Variants in PHLDB2 observed in about 807,000 individuals in gnomAD.
PHLDB2 encodes the protein pleckstrin homology-like domain family B member 2.
PHLDB2 carries 71 observed loss-of-function variants against 123.6 expected under a neutral mutation model. The ratio of observed to expected loss-of-function variants is 0.57; its 90% CI spans 0.47 to 0.70. The LOEUF (loss-of-function observed/expected upper bound fraction) is 0.70. PHLDB2 is among the 30% of genes least tolerant of loss of function. PHLDB2 has a pLI of 0.00. For synonymous variants in PHLDB2, 547 were observed against 541.6 expected, an observed-to-expected ratio of 1.01 and a Z score of -0.14; for missense variants, 1,446 against 1,519.5, an observed-to-expected ratio of 0.95 and a Z score of 0.80.
intron 3 of PHLDB2, chr3:111,916,695 G>A (rs1260323647): frequency 1.3e-5 from 2 of 152,222 alleles, no homozygotes; most frequent in African/African-American, 4.8e-5. Context: ...GGTAAAAGTT[G>A]TCTGGAAAGT....
At chr3:111,850,153 G>A (rs13083516) in intron 2 of PHLDB2, among the ~76,000 whole-genome samples, 87,464 of 151,674 alleles carry the variant, frequency 0.58, 26,148 homozygotes, top group Middle Eastern at 0.77. Context: ...AAGCCACCGC[G>A]CCCAGCCGCT....
intron 1 of PHLDB2, among the ~76,000 whole-genome samples, chr3:111,749,187 A>G (rs892883382): frequency 4.6e-5 from 7 of 152,250 alleles, no homozygotes; most frequent in South Asian, 4.1e-4. Context: ...GAATGTTCCA[A>G]TGTAATTAAC....
upstream of PHLDB2, among the ~76,000 whole-genome samples, chr3:111,856,138 T>A (rs1416583281): frequency 6.6e-6 from 1 of 152,226 alleles, no homozygotes; most frequent in Non-Finnish European, 1.5e-5. Context: ...CATACAAATA[T>A]GAATAAAATG....
chr3:111,867,495 T>A (rs2065142016), intron 1 of PHLDB2, among the ~76,000 whole-genome samples: 1 of 152,216 alleles, frequency 6.6e-6, no homozygotes, highest in Non-Finnish European at 1.5e-5. Context: ...CTAATCTTGT[T>A]TCATTTGTAA....
At chr3:111,957,022 G>T (rs1183505418) in intron 12 of PHLDB2, 1 of 152,316 alleles carries the variant, frequency 6.6e-6, no homozygotes, top group Non-Finnish European at 1.5e-5. Context: ...CATCAAGGAT[G>T]ATGGTGTAAG....
At chr3:111,742,104 G>T (rs2059613295) in intron 1 of PHLDB2, among the ~76,000 whole-genome samples, 1 of 152,092 alleles carries the variant, frequency 6.6e-6, no homozygotes, top group Admixed American at 6.5e-5. Flanking sequence ...ACACATGTCT[G>T]GTTTGGCTTA....
intron 12 of PHLDB2, among the ~76,000 whole-genome samples, chr3:111,955,881 A>T (rs148076374): frequency 3.3e-4 from 50 of 152,322 alleles, no homozygotes; most frequent in African/African-American, 1.1e-3. Context: ...AGAGGGTGGG[A>T]TCACAAATTA....
At chr3:111,922,446 T>A (rs1053683186) in intron 5 of PHLDB2, among the ~76,000 whole-genome samples, 7 of 152,208 alleles carry the variant, frequency 4.6e-5, no homozygotes, top group Admixed American at 3.3e-4. Flanking sequence ...ATTGTTTTGA[T>A]GGCTTGACAG....
intron 3 of PHLDB2, among the ~76,000 whole-genome samples, chr3:111,918,269 C>T (rs777780231): frequency 3.3e-5 from 5 of 152,216 alleles, no homozygotes; most frequent in Non-Finnish European, 5.9e-5. Context: ...ACTATGCACT[C>T]TCTCACTTGT....
At chr3:111,852,761 C>T (rs2064315014) in intron 2 of PHLDB2, among the ~76,000 whole-genome samples, 1 of 108,280 alleles carries the variant, frequency 9.2e-6, no homozygotes, top group Admixed American at 1.0e-4. Context: ...AAGACACACA[C>T]ACACACACAC....
chr3:111,971,704 T>A (rs2072196917), intron 16 of PHLDB2, among the ~76,000 whole-genome samples: 3 of 152,108 alleles, frequency 2.0e-5, no homozygotes, highest in Admixed American at 2.0e-4. Context: ...GTCATCCAGA[T>A]CGCAATTTAC....
chr3:111,898,813 A>G (rs1449129805), intron 2 of PHLDB2, among the ~76,000 whole-genome samples: 1 of 152,210 alleles, frequency 6.6e-6, no homozygotes, highest in African/African-American at 2.4e-5. Context: ...TCAGCAATTC[A>G]TTCACATCTT....
At chr3:111,966,294 T>C (rs1012004219) in intron 13 of PHLDB2, among the ~76,000 whole-genome samples, 2 of 152,178 alleles carry the variant, frequency 1.3e-5, no homozygotes, top group Non-Finnish European at 2.9e-5. Context: ...AGTCACACTT[T>C]GTAAGATTTG....
intron 1 of PHLDB2, among the ~76,000 whole-genome samples, chr3:111,829,401 T>G (rs2062821265): frequency 1.3e-5 from 1 of 77,646 alleles, no homozygotes; most frequent in African/African-American, 5.5e-5. Flanking sequence ...ATTATTCTTT[T>G]GTTTAAAAAA....
At chr3:111,746,790 G>A (rs2059688239) in intron 1 of PHLDB2, among the ~76,000 whole-genome samples, 1 of 152,002 alleles carries the variant, frequency 6.6e-6, no homozygotes, top group South Asian at 2.1e-4. Flanking sequence ...TTTTTAATTT[G>A]AAAAAGGAAA....
rs879498938 is a variant in PHLDB2, at chr3:111,920,917, T to C, written c.2001+498T>C. Reference sequence around the variant, plus strand: ...TGCTTTGCCTTGCTATTGTTTTCAATGCAAGTGCACTGCTTTTTGACAAAT... The same window carrying C: ...TGCTTTGCCTTGCTATTGTTTTCAACGCAAGTGCACTGCTTTTTGACAAAT... On this transcript the variant is annotated intron_variant, in intron 5 of 17. Coordinates refer to ENST00000431670, the MANE Select transcript of PHLDB2 (RefSeq NM_001134438.2). 4.6e-5 allele frequency among the ~76,000 whole-genome samples: 7 copies of C among 152,254 alleles called. No homozygotes were observed. The East Asian group carries it at 1.3e-3, about 29-fold the overall frequency.
At chr3:111,795,258 T>C (rs2061103700) in intron 1 of PHLDB2, among the ~76,000 whole-genome samples, 1 of 152,224 alleles carries the variant, frequency 6.6e-6, no homozygotes, top group Non-Finnish European at 1.5e-5. Context: ...TGCATTTCAG[T>C]AATGTTTAAG....
At chr3:111,911,586 A>T (rs1480633895) in intron 2 of PHLDB2, 1 of 1,531,528 alleles carries the variant, frequency 6.5e-7, no homozygotes, top group Admixed American at 2.0e-5. Flanking sequence ...GAAGAGATAA[A>T]TAAGTACCAG....
At chr3:111,896,007 CT>C (rs1173887732) in intron 2 of PHLDB2, among the ~76,000 whole-genome samples, 1 of 151,908 alleles carries the variant, frequency 6.6e-6, no homozygotes, top group Non-Finnish European at 1.5e-5. Flanking sequence ...ATTTATTATT[CT>C]TTTTTTGAGG....
Sources: allele counts gnomAD v4.1 joint callset (sites outside exome capture counted in the v4.1 genomes callset), GRCh38; gene constraint gnomAD v4.1.1; transcripts MANE v1.5; gene names NCBI Gene and HGNC (gene_info 2026-07-23, HGNC 2026-07-21).